Variants in ZFAT observed in about 807,000 individuals in gnomAD.
The protein encoded by ZFAT is zinc finger and AT-hook domain containing.
ZFAT carries 64 observed loss-of-function variants against 117.7 expected under a neutral mutation model. The ratio of observed to expected loss-of-function variants is 0.54; its 90% CI spans 0.44 to 0.67. The LOEUF (loss-of-function observed/expected upper bound fraction) is 0.67, where lower values mean the gene tolerates loss of function less well. ZFAT is among the 30% of genes least tolerant of loss of function. The pLI, the probability that ZFAT is intolerant of heterozygous loss-of-function variation, is 0.00. For synonymous variants in ZFAT, 679 were observed against 615.0 expected (o/e 1.10, Z -1.54); for missense variants, 1,433 against 1,584.5 (o/e 0.90, Z 1.62).
Position 134,572,512 on chromosome 8 carries a change from C to T in ZFAT, c.2888-7091G>A, listed in dbSNP as rs545073428. On this transcript the variant is annotated intron_variant, in intron 10 of 15. Transcript: ENST00000377838. Reference sequence around the variant, plus strand: ...AAGTTCACTGTCTTTTAAAAAACAGCCCCCCAGCCTTGACTGGCTACGCAC... The same window carrying T: ...AAGTTCACTGTCTTTTAAAAAACAGTCCCCCAGCCTTGACTGGCTACGCAC... Among the ~76,000 whole-genome samples the T allele has an allele frequency of 2.0e-5, 3 of 152,234 alleles. No homozygotes were observed. The East Asian group carries it at 5.8e-4, about 29-fold the overall frequency.
At chr8:134,502,228 G>A (rs1819043455) in intron 15 of ZFAT, among the ~76,000 whole-genome samples, 1 of 152,208 alleles carries the variant, frequency 6.6e-6, no homozygotes, top group African/African-American at 2.4e-5. Flanking sequence ...CAGGGCACCA[G>A]GCTTCTCTCA....
chr8:134,815,787 T>A, the ZFAT span, among the ~76,000 whole-genome samples: 5 of 152,204 alleles, frequency 3.3e-5, no homozygotes, highest in Admixed American at 1.3e-4. Context: ...TACTCAAATG[T>A]CACCTTTTTA....
intron 3 of ZFAT, among the ~76,000 whole-genome samples, chr8:134,635,040 A>C (rs1474835184): frequency 6.6e-6 from 1 of 152,206 alleles, no homozygotes; most frequent in African/African-American, 2.4e-5. Context: ...CGAGTGTCGC[A>C]GCTGATCTGT....
the ZFAT span, among the ~76,000 whole-genome samples, chr8:134,816,889 G>A: frequency 1.3e-5 from 2 of 151,550 alleles, no homozygotes; most frequent in Non-Finnish European, 2.9e-5. Flanking sequence ...GCCGAGGCAG[G>A]AGAATGGCTT....
chr8:134,816,417 C>T, the ZFAT span, among the ~76,000 whole-genome samples: 1 of 150,868 alleles, frequency 6.6e-6, no homozygotes, highest in Non-Finnish European at 1.5e-5. Context: ...AGAACATGGC[C>T]CAGAAAAATA....
At chr8:134,715,560 ATTCT>A (rs1206941390), upstream of ZFAT, among the ~76,000 whole-genome samples, 1 of 152,226 alleles carries the variant, frequency 6.6e-6, no homozygotes, top group African/African-American at 2.4e-5. Flanking sequence ...AAACATCTCT[ATTCT>A]TTCTATTTGC....
At chr8:134,619,562 T>C (rs572189506) in intron 3 of ZFAT, among the ~76,000 whole-genome samples, 8 of 152,300 alleles carry the variant, frequency 5.3e-5, no homozygotes, top group South Asian at 2.1e-4. Context: ...CCTAGATGGA[T>C]GTAAGTTCAG....
intron 9 of ZFAT, among the ~76,000 whole-genome samples, chr8:134,585,104 T>A (rs142356528): frequency 1.7e-3 from 260 of 152,324 alleles, no homozygotes; most frequent in African/African-American, 5.9e-3. Flanking sequence ...TTCTCATCTC[T>A]GTAAAATGAC....
At chr8:134,517,775 C>A (rs1820358140) in intron 13 of ZFAT, among the ~76,000 whole-genome samples, 1 of 152,174 alleles carries the variant, frequency 6.6e-6, no homozygotes, top group African/African-American at 2.4e-5. Flanking sequence ...TTGAGGAGTA[C>A]AGATGAGGTA....
chr8:134,782,839 G>A, the ZFAT span, among the ~76,000 whole-genome samples: 200 of 152,066 alleles, frequency 1.3e-3, 2 homozygotes, highest in East Asian at 0.027. Context: ...GCATGAAAAT[G>A]GACTAATACA....
At chr8:134,603,630 T>C (rs1021295293) in intron 5 of ZFAT, among the ~76,000 whole-genome samples, 1 of 152,130 alleles carries the variant, frequency 6.6e-6, no homozygotes, top group Admixed American at 6.5e-5. Flanking sequence ...AGAACCAATG[T>C]GTTTGATTGG....
the ZFAT span, chr8:134,766,929 A>G: frequency 1.3e-5 from 2 of 152,218 alleles, no homozygotes. Context: ...TGCTTAGCCA[A>G]AGCTTCTGCA....
At chr8:134,568,136 C>T (rs1033378873) in intron 10 of ZFAT, among the ~76,000 whole-genome samples, 1 of 152,200 alleles carries the variant, frequency 6.6e-6, no homozygotes, top group Non-Finnish European at 1.5e-5. Context: ...CTTATATGAA[C>T]ATCAGCCTCA....
At position 134,709,371 on chromosome 8, in the gene ZFAT, G is replaced by T. The variant is rs527968898; in HGVS notation, c.19+3474C>A. On this transcript the variant is annotated intron_variant, in intron 1 of 15. Coordinates refer to ENST00000377838, the MANE Select transcript of ZFAT (RefSeq NM_020863.4). The stretch of plus-strand genomic sequence containing the variant: ...GTGGCAGGACTGTGTCTCCTTTGCC[G>T]GTGAAGGGACTGGGGTCCCAAGGGT... 7.2e-5 allele frequency among the ~76,000 whole-genome samples: 11 copies of T among 152,342 alleles called. No homozygotes were observed. The South Asian group carries it at 2.3e-3, about 32-fold the overall frequency.
chr8:134,600,771 T>C, intron 6 of ZFAT, 103 bp from the exon 7 acceptor site: 1 of 963,702 alleles, frequency 1.0e-6, no homozygotes, highest in Non-Finnish European at 1.5e-6. Flanking sequence ...ATCTCCCTCT[T>C]GCGCTTGTCC....
At chr8:134,565,741 GGA>G in intron 10 of ZFAT, 1 of 417,498 alleles carries the variant, frequency 2.4e-6, no homozygotes, top group South Asian at 2.2e-5. Flanking sequence ...GGGCATCAAG[GGA>G]GAGGGGCACA....
At chr8:134,682,313 G>C (rs1205354767) in intron 1 of ZFAT, among the ~76,000 whole-genome samples, 1 of 152,188 alleles carries the variant, frequency 6.6e-6, no homozygotes, top group Non-Finnish European at 1.5e-5. Context: ...AGAGACACTA[G>C]CTTCTCACCA....
intron 1 of ZFAT, among the ~76,000 whole-genome samples, chr8:134,664,527 C>T (rs1019392840): frequency 7.2e-5 from 11 of 152,354 alleles, no homozygotes; most frequent in Admixed American, 1.3e-4. Flanking sequence ...GCATGGTGCT[C>T]CCTTTTCAAC....
At chr8:134,551,501 G>A (rs181184084) in intron 11 of ZFAT, among the ~76,000 whole-genome samples, 62 of 152,284 alleles carry the variant, frequency 4.1e-4, no homozygotes, top group African/African-American at 1.0e-3. Flanking sequence ...AGATGAAAAC[G>A]TCTTCTAGGT....
Sources: gnomAD v4.1 joint callset for allele counts (sites outside exome capture counted in the v4.1 genomes callset) on GRCh38, gnomAD v4.1.1 for gene constraint, MANE v1.5 for transcripts, NCBI Gene and HGNC (gene_info 2026-07-23, HGNC 2026-07-21) for gene names.